Variants in DOP1A observed in about 807,000 individuals in gnomAD.
The protein encoded by DOP1A is DOP1 leucine zipper like protein A, also known as protein DOP1A.
A neutral mutation model predicts 267.6 loss-of-function variants in DOP1A; 90 were observed. The ratio of observed to expected loss-of-function variants is 0.34; its 90% CI spans 0.28 to 0.40. The LOEUF is 0.40. Among genes scored for constraint, DOP1A ranks in the 10% least tolerant of loss-of-function variants. The probability of loss-of-function intolerance (pLI) is 1.00; values close to 1 mark genes in which losing one functional copy is unlikely to be tolerated. For synonymous variants in DOP1A, 932 were observed against 999.1 expected, an observed-to-expected ratio of 0.93 and a Z score of 1.27; for missense variants, 2,437 against 2,900.4, an observed-to-expected ratio of 0.84 and a Z score of 3.67.
At chr6:83,152,412 C>G (rs780635059) in intron 30 of DOP1A, 45 bp downstream of exon 30, 3 of 911,204 alleles carry the variant, frequency 3.3e-6, no homozygotes, top group Non-Finnish European at 3.2e-6. Flanking sequence ...TAGACTGTTT[C>G]ATTATTAAAA....
downstream of DOP1A, chr6:83,169,258 T>G: frequency 1.2e-6 from 2 of 1,614,068 alleles, no homozygotes; most frequent in Middle Eastern, 1.6e-4. Context: ...GGGGCCTTTC[T>G]CCAATTCCTC....
rs546054163 is a variant in DOP1A at position 83,076,820 on chromosome 6, A to G, written c.-147+9041A>G. Reference sequence around the variant, plus strand: ...ATCTGGAAGAGGAATTTGCACACCCATGTTGATAGCAGCACTACTCGTGAT... The same window carrying G: ...ATCTGGAAGAGGAATTTGCACACCCGTGTTGATAGCAGCACTACTCGTGAT... On this transcript the variant is annotated intron_variant, in intron 1 of 38. Coordinates refer to ENST00000349129, the MANE Select transcript of DOP1A (RefSeq NM_015018.4). Among the ~76,000 whole-genome samples, 3 of 152,352 alleles carry G rather than the reference A, an allele frequency of 2.0e-5. No individual in the cohort carries two copies. In the East Asian group the frequency reaches 5.8e-4, roughly 29 times the overall value.
At chr6:83,100,637 T>C in intron 3 of DOP1A, 68 bp from the exon 4 acceptor site, 1 of 1,137,876 alleles carries the variant, frequency 8.8e-7, no homozygotes, top group South Asian at 2.8e-5. Flanking sequence ...AATACTATGC[T>C]AGAAAATGGA....
chr6:83,120,311 A>C (rs1583007666), intron 9 of DOP1A, among the ~76,000 whole-genome samples: 1 of 152,072 alleles, frequency 6.6e-6, no homozygotes, highest in East Asian at 1.9e-4. Flanking sequence ...TATAGTTGTT[A>C]AGTCACTAAC....
chr6:83,068,083 A>T (rs910411008), intron 1 of DOP1A, among the ~76,000 whole-genome samples: 10 of 152,278 alleles, frequency 6.6e-5, no homozygotes, highest in Middle Eastern at 3.4e-3. Context: ...GGAGCCGGGG[A>T]CAGGTCCCGA....
chr6:83,104,529 A>G (rs1202112745), intron 4 of DOP1A, among the ~76,000 whole-genome samples: 2 of 152,066 alleles, frequency 1.3e-5, no homozygotes, highest in African/African-American at 4.8e-5. Flanking sequence ...TTAACTTTCA[A>G]ATTGTTCTCG....
Position 83,122,949 on chromosome 6 carries a change from A to G in DOP1A, c.1307A>G (p.Asp436Gly). 1 of 1,583,724 alleles carries G rather than the reference A, an allele frequency of 6.3e-7. No homozygotes were observed. The highest frequency in any genetic ancestry group is 1.8e-5 in the Admixed American group (1 of 54,198). Reference protein sequence around the residue: ...FNSFEPYYMWDYVARWFEECC... With the variant: ...FNSFEPYYMWGYVARWFEECC... Reference sequence around the variant, plus strand: ...TCCTTCGAACCTTATTATATGTGGGATTATGTTGCACGCTGGTTTGAAGAA... The same window carrying G: ...TCCTTCGAACCTTATTATATGTGGGGTTATGTTGCACGCTGGTTTGAAGAA... Residue 436 changes from aspartate to glycine, a missense_variant, in exon 12 of 39, where the codon GAT (aspartate) becomes GGT (glycine). Transcript: ENST00000349129.
At chr6:83,167,436 AAG>A (rs1786023539) in intron 38 of DOP1A, 2 of 982,504 alleles carry the variant, frequency 2.0e-6, no homozygotes, top group Non-Finnish European at 2.4e-6. Context: ...ATTATAATAA[AAG>A]GGGATATATT....
chr6:83,102,194 C>T (rs1772714216), intron 4 of DOP1A, among the ~76,000 whole-genome samples: 1 of 152,212 alleles, frequency 6.6e-6, no homozygotes, highest in African/African-American at 2.4e-5. Context: ...TATTAAAGCT[C>T]AATAAATGGT....
intron 26 of DOP1A, among the ~76,000 whole-genome samples, 159 bp from the exon 27 acceptor site, chr6:83,148,600 T>C (rs1257072418): frequency 6.6e-6 from 1 of 152,174 alleles, no homozygotes; most frequent in Non-Finnish European, 1.5e-5. Flanking sequence ...ATTGCATTGA[T>C]ATTTCAACTG....
At chr6:83,085,144 T>C (rs1768868872) in intron 1 of DOP1A, among the ~76,000 whole-genome samples, 1 of 152,234 alleles carries the variant, frequency 6.6e-6, no homozygotes, top group African/African-American at 2.4e-5. Context: ...TTCTGCTTTT[T>C]ATTTTTCTTC....
At position 83,137,846 on chromosome 6, in the gene DOP1A, T is replaced by G; in HGVS notation, c.3804T>G (p.Ile1268Met). Residue 1268 changes from isoleucine (I) to methionine (M), a missense_variant, in exon 21 of 39, where the codon ATT becomes ATG. This residue lies in a region of DOP1A where 878 missense variants were observed against 992.9 expected (regional missense o/e 0.88). Transcript: ENST00000349129. Reference protein sequence around the residue: ...TKSRQRSHSSIQFSFKEKLSE... With the variant: ...TKSRQRSHSSMQFSFKEKLSE... ...CTAGACAAAGGAGTCACAGTAGTAT[T>G]CAATTCAGCTTCAAAGAAAAATTAT... The G allele has an allele frequency of 6.2e-7, 1 of 1,613,722 alleles. No individual in the cohort carries two copies. Among genetic ancestry groups the G allele is most frequent in the Non-Finnish European group, 8.5e-7 (1 of 1,179,880 alleles).
At chr6:83,163,133 A>AT (rs972231282) in intron 38 of DOP1A, among the ~76,000 whole-genome samples, 6 of 152,098 alleles carry the variant, frequency 3.9e-5, no homozygotes, top group Admixed American at 3.9e-4. Context: ...GCGGTTATTC[A>AT]TTTTTTTAAA....
rs764271336 is a variant in DOP1A at position 83,129,256 on chromosome 6, A to T, written c.2089A>T (p.Asn697Tyr). Residue 697 changes from asparagine to tyrosine, a missense_variant, in exon 16 of 39, where the codon AAC (asparagine) becomes TAC (tyrosine). By Grantham distance (143) the Asn-to-Tyr change is moderately radical (BLOSUM62 -2). This residue lies in a region of DOP1A where 498 missense variants were observed against 513.5 expected (regional missense o/e 0.97). Coordinates refer to ENST00000349129, the MANE Select transcript of DOP1A (RefSeq NM_015018.4). ...TATCAACCTCTACATCATTCAGAAT[A>T]ACTCTTTTTCTCAGTCTTTGGCTAC... ...RLINLYIIQN[N>Y]SFSQSLATEH... 6.2e-7 allele frequency: 1 copy of T among 1,613,044 alleles called. No homozygotes were observed. Among genetic ancestry groups the T allele is most frequent in the African/African-American group, 1.3e-5 (1 of 74,898 alleles).
chr6:83,166,258 G>C (rs896026738), intron 38 of DOP1A: 1 of 525,648 alleles, frequency 1.9e-6, no homozygotes, highest in East Asian at 2.9e-5. Flanking sequence ...TTCTTGGGCA[G>C]CTCTCTTATA....
At chr6:83,074,860 C>G (rs1766788741) in intron 1 of DOP1A, among the ~76,000 whole-genome samples, 1 of 152,166 alleles carries the variant, frequency 6.6e-6, no homozygotes, top group African/African-American at 2.4e-5. Context: ...TGCTTGAGCC[C>G]AGCAATGCTA....
intron 25 of DOP1A, among the ~76,000 whole-genome samples, chr6:83,146,199 A>G (rs908428228): frequency 6.6e-6 from 1 of 152,216 alleles, no homozygotes; most frequent in African/African-American, 2.4e-5. Flanking sequence ...AAAAGTCTAC[A>G]AATTAGGAAT....
intron 35 of DOP1A, among the ~76,000 whole-genome samples, chr6:83,158,287 C>G (rs1783316620): frequency 6.6e-6 from 1 of 152,098 alleles, no homozygotes; most frequent in South Asian, 2.1e-4. Flanking sequence ...AGGTGTGAGC[C>G]ACCACACCAG....
intron 1 of DOP1A, among the ~76,000 whole-genome samples, chr6:83,068,375 A>T (rs553729991): frequency 6.6e-6 from 1 of 152,324 alleles, no homozygotes; most frequent in African/African-American, 2.4e-5. Context: ...TAAAGTTGCA[A>T]CATAACAATA....
Sources: allele counts gnomAD v4.1 joint callset (sites outside exome capture counted in the v4.1 genomes callset), GRCh38; gene constraint gnomAD v4.1.1; regional missense constraint gnomAD v4.1.1; transcripts MANE v1.5; gene names NCBI Gene and HGNC (gene_info 2026-07-23, HGNC 2026-07-21).